WDFY1: variants seen among roughly 807,000 people sequenced by gnomAD.
The protein encoded by WDFY1 is WD repeat and FYVE domain containing 1.
A neutral mutation model predicts 56.4 loss-of-function variants in WDFY1; 32 were observed. The observed-to-expected ratio is 0.57, with a 90% CI of 0.43 to 0.76. WDFY1 has a LOEUF of 0.76. WDFY1 is among the 30% of genes least tolerant of loss of function. WDFY1 has a pLI of 0.00. For synonymous variants in WDFY1, 192 were observed against 197.3 expected (o/e 0.97, Z 0.23); for missense variants, 480 against 545.7 (o/e 0.88, Z 1.20).
chr2:223,926,098 T>C (rs985461736), intron 1 of WDFY1, among the ~76,000 whole-genome samples: 3 of 152,224 alleles, frequency 2.0e-5, no homozygotes, highest in Non-Finnish European at 4.4e-5. Context: ...GTTTTCAACT[T>C]ACTTTGCCCA....
At chr2:223,908,840 A>G (rs1323856979) in intron 3 of WDFY1, among the ~76,000 whole-genome samples, 5 of 152,176 alleles carry the variant, frequency 3.3e-5, no homozygotes, top group East Asian at 1.9e-4. Flanking sequence ...ATTCCTGGCT[A>G]GAAACCTGAA....
chr2:223,910,254 A>C (rs1309353235), intron 3 of WDFY1, among the ~76,000 whole-genome samples: 1 of 152,228 alleles, frequency 6.6e-6, no homozygotes, highest in Non-Finnish European at 1.5e-5. Context: ...ATAGGAATTA[A>C]CTTACAATAA....
intron 1 of WDFY1, among the ~76,000 whole-genome samples, chr2:223,925,006 T>G (rs1693954320): frequency 6.6e-6 from 1 of 152,160 alleles, no homozygotes. Flanking sequence ...ATTGGTTCTA[T>G]AGAAATCATT....
At chr2:223,890,515 T>TAAAGTGAAAA (rs1693251285) in intron 8 of WDFY1, among the ~76,000 whole-genome samples, 1 of 152,216 alleles carries the variant, frequency 6.6e-6, no homozygotes, top group East Asian at 1.9e-4. Context: ...GAGATACCCC[T>TAAAGTGAAAA]AACTTTATTT....
chr2:223,880,115 C>A lies in WDFY1; in HGVS notation c.1173+9G>T. 1 of 1,609,604 alleles carries A rather than the reference C, an allele frequency of 6.2e-7. No homozygotes were observed. Among genetic ancestry groups the A allele is most frequent in the East Asian group, 2.2e-5 (1 of 44,860 alleles). ...AACTGAGATGCTGACAGACAATTAG[C>A]CAGCTTACCTTTACAATGCGGTCGG... On this transcript the variant is annotated intron_variant, in intron 11 of 11. Coordinates refer to ENST00000233055, the MANE Select transcript of WDFY1 (RefSeq NM_020830.5).
chr2:223,940,474 G>A (rs987065962), intron 1 of WDFY1, among the ~76,000 whole-genome samples: 3 of 152,098 alleles, frequency 2.0e-5, no homozygotes, highest in Admixed American at 2.0e-4. Flanking sequence ...GTGAGGATTG[G>A]ATCCAATAAC....
At chr2:223,904,283 G>A (rs566226876) in intron 4 of WDFY1, among the ~76,000 whole-genome samples, 5 of 151,894 alleles carry the variant, frequency 3.3e-5, no homozygotes, top group South Asian at 4.2e-4. Context: ...AAGGAGTCTC[G>A]CTCTGTTGCC....
intron 1 of WDFY1, among the ~76,000 whole-genome samples, chr2:223,932,063 G>A (rs1296940420): frequency 6.7e-6 from 1 of 149,694 alleles, no homozygotes; most frequent in African/African-American, 2.5e-5. Flanking sequence ...TTCCATAAGG[G>A]TATACATTTG....
chr2:223,940,507 C>T (rs1461434748), intron 1 of WDFY1, among the ~76,000 whole-genome samples: 3 of 152,122 alleles, frequency 2.0e-5, no homozygotes, highest in African/African-American at 7.2e-5. Flanking sequence ...ATTCTGTACT[C>T]GTAGAGAAAA....
At chr2:223,931,692 T>TC (rs1559175429) in intron 1 of WDFY1, among the ~76,000 whole-genome samples, 2 of 146,998 alleles carry the variant, frequency 1.4e-5, no homozygotes, top group South Asian at 2.1e-4. Context: ...CTTTCTTTTT[T>TC]TTTTTTTTTT....
At position 223,918,019 on chromosome 2, in the gene WDFY1, A is replaced by T. The variant is rs756133195; in HGVS notation, c.138-9T>A. On this transcript the variant is annotated splice_polypyrimidine_tract_variant and intron_variant, in intron 1 of 11. Coordinates refer to ENST00000233055, the MANE Select transcript of WDFY1 (RefSeq NM_020830.5). ...GCCATACCCGGATGGTTCTGTGGAG[A>T]AAAGAAAAGAAAAAATAGAGTAGGT... 1.9e-6 allele frequency: 3 copies of T among 1,610,858 alleles called. No individual in the cohort carries two copies. The African/African-American group carries it at 4.0e-5, about 22-fold the overall frequency.
chr2:223,898,873 A>G, intron 6 of WDFY1, 85 bp downstream of exon 6: 1 of 990,560 alleles, frequency 1.0e-6, no homozygotes, highest in East Asian at 2.4e-5. Flanking sequence ...TGAGGAACAC[A>G]GCATTCATGA....
At chr2:223,909,852 CA>C (rs1440920120) in intron 3 of WDFY1, among the ~76,000 whole-genome samples, 1 of 152,210 alleles carries the variant, frequency 6.6e-6, no homozygotes, top group Non-Finnish European at 1.5e-5. Flanking sequence ...GGCCGTGCCT[CA>C]ATCTGTTCTC....
intron 8 of WDFY1, among the ~76,000 whole-genome samples, chr2:223,885,196 G>A (rs1383634542): frequency 1.3e-5 from 2 of 151,366 alleles, no homozygotes; most frequent in African/African-American, 2.4e-5. Flanking sequence ...GTGTGTGGGG[G>A]GGGGTCTTTT....
At chr2:223,909,751 C>CCCTT (rs1234601060) in intron 3 of WDFY1, among the ~76,000 whole-genome samples, 1 of 152,168 alleles carries the variant, frequency 6.6e-6, no homozygotes. Context: ...CAAGACTTAT[C>CCCTT]TCAACTCAAG....
intron 1 of WDFY1, among the ~76,000 whole-genome samples, chr2:223,927,982 C>T (rs1694014333): frequency 6.6e-6 from 1 of 151,950 alleles, no homozygotes; most frequent in African/African-American, 2.4e-5. Context: ...GACAGACAGA[C>T]ATAGGGTAAC....
intron 1 of WDFY1, among the ~76,000 whole-genome samples, chr2:223,921,449 AT>A (rs1308259902): frequency 6.6e-6 from 1 of 152,114 alleles, no homozygotes; most frequent in Non-Finnish European, 1.5e-5. Context: ...TCTACAAATA[AT>A]TTGCAAGGGA....
chr2:223,929,279 CCGGGTTCAAG>C (rs1399593197), intron 1 of WDFY1, among the ~76,000 whole-genome samples: 1 of 151,176 alleles, frequency 6.6e-6, no homozygotes, highest in Admixed American at 6.6e-5. Context: ...CCTCCGCCTC[CCGGGTTCAAG>C]CGATTCTCCT....
intron 6 of WDFY1, among the ~76,000 whole-genome samples, 156 bp downstream of exon 6, chr2:223,898,802 T>C (rs1220433439): frequency 6.6e-6 from 1 of 152,180 alleles, no homozygotes; most frequent in Non-Finnish European, 1.5e-5. Flanking sequence ...TCACCCCACC[T>C]TCACTTAGTT....
Sources: gnomAD v4.1 joint callset for allele counts (sites outside exome capture counted in the v4.1 genomes callset) on GRCh38, gnomAD v4.1.1 for gene constraint, MANE v1.5 for transcripts, NCBI Gene and HGNC (gene_info 2026-07-23, HGNC 2026-07-21) for gene names.